Variants in ZPBP observed in about 807,000 individuals in gnomAD.
ZPBP encodes the protein zona pellucida binding protein, also known as zona pellucida-binding protein 1.
A neutral mutation model predicts 44.8 loss-of-function variants in ZPBP; 26 were observed. The ratio of observed to expected loss-of-function variants is 0.58; its 90% CI spans 0.43 to 0.81. ZPBP has a LOEUF of 0.81. Ranked by LOEUF, ZPBP falls within the 30% of genes least tolerant of loss-of-function variation. The pLI, the probability that ZPBP is intolerant of heterozygous loss-of-function variation, is 0.00. For missense variants in ZPBP, 409 were observed against 434.0 expected (o/e 0.94, Z 0.51); for synonymous variants, 174 against 153.2 (o/e 1.14, Z -1.00).
At chr7:49,986,031 T>C (rs912680347) in intron 6 of ZPBP, among the ~76,000 whole-genome samples, 1 of 152,190 alleles carries the variant, frequency 6.6e-6, no homozygotes, top group African/African-American at 2.4e-5. Context: ...TTTCAATGTG[T>C]CCATGCACCT....
At chr7:49,955,077 G>A (rs533602524) in intron 7 of ZPBP, among the ~76,000 whole-genome samples, 1 of 152,122 alleles carries the variant, frequency 6.6e-6, no homozygotes, top group African/African-American at 2.4e-5. Context: ...TAATGAATAA[G>A]ACCTGGGCCA....
rs556669505 is a variant in ZPBP at position 49,918,369 on chromosome 7, A to G, written n.412-17154T>C. 4.6e-5 allele frequency: 7 copies of G among 152,204 alleles called. No homozygotes were observed. The South Asian group carries it at 8.3e-4, about 18-fold the overall frequency. 9.4% of individuals were successfully genotyped at this position (152,204 alleles called of 1,614,324 possible). A position where few individuals can be genotyped will look rare whatever the true frequency, so the allele number is the denominator to read the frequency against. The stretch of plus-strand genomic sequence containing the variant: ...AATTTCCAAAATGGTCTTTTACCCC[A>G]CTCCCCATAAATAAGATAATGAATA... On this transcript the variant is annotated intron_variant and non_coding_transcript_variant, in intron 1 of 2. Coordinates refer to the ZPBP transcript ENST00000465922.
chr7:49,870,828 C>G (rs1791119023), intron 2 of ZPBP, among the ~76,000 whole-genome samples: 1 of 152,214 alleles, frequency 6.6e-6, no homozygotes. Context: ...CTCATTTATA[C>G]TGATGCTTGT....
chr7:50,053,354 C>T (rs1420616730), intron 4 of ZPBP, among the ~76,000 whole-genome samples: 1 of 152,232 alleles, frequency 6.6e-6, no homozygotes, highest in African/African-American at 2.4e-5. Flanking sequence ...TTATTGAAAA[C>T]TTAGTAATTG....
At chr7:49,842,017 C>T in the ZPBP span, among the ~76,000 whole-genome samples, 1 of 152,054 alleles carries the variant, frequency 6.6e-6, no homozygotes, top group Admixed American at 6.6e-5. Flanking sequence ...CAGGTGCTCG[C>T]CACCACGCCC....
chr7:50,031,374 A>T (rs1247267650), intron 4 of ZPBP, 64 bp from the exon 5 acceptor site: 14 of 1,170,848 alleles, frequency 1.2e-5, no homozygotes, highest in South Asian at 2.8e-5. Flanking sequence ...ACATATTGCA[A>T]CTATTTAAGA....
chr7:49,891,875 A>T (rs1380517377), intron 2 of ZPBP, among the ~76,000 whole-genome samples: 1 of 151,422 alleles, frequency 6.6e-6, no homozygotes, highest in African/African-American at 2.4e-5. Flanking sequence ...TCTGCTATTG[A>T]TAGATACTTT....
intron 4 of ZPBP, among the ~76,000 whole-genome samples, chr7:50,044,883 T>A (rs947265929): frequency 6.6e-4 from 101 of 152,310 alleles, no homozygotes; most frequent in African/African-American, 2.4e-3. Flanking sequence ...CCAATATCCC[T>A]GATGAACATC....
intron 1 of ZPBP, chr7:49,912,549 G>A (rs773436297): frequency 1.9e-4 from 32 of 165,196 alleles, no homozygotes; most frequent in Non-Finnish European, 3.6e-4. Flanking sequence ...CGTCCTCACC[G>A]TGTACCTGCA....
At position 49,982,107 on chromosome 7, in the gene ZPBP, TTATAAATATTTATATATTAA is replaced by T. The variant is rs1177234381; in HGVS notation, c.961+1215_961+1234del. Among the ~76,000 whole-genome samples the T allele has an allele frequency of 2.0e-5, 2 of 99,186 alleles. 1 individual carries two copies. Among genetic ancestry groups the T allele is most frequent in the African/African-American group, 8.1e-5 (2 of 24,752 alleles). 65.1% of individuals were successfully genotyped at this position (99,186 alleles called of 152,430 possible). A position where few individuals can be genotyped will look rare whatever the true frequency, so the allele number is the denominator to read the frequency against. On this transcript the variant is annotated intron_variant, in intron 7 of 7. Coordinates refer to ENST00000046087, the MANE Select transcript of ZPBP (RefSeq NM_007009.3). ...TTATATGAATTATATAATTATATAA[TTATAAATATTTATATATTAA>T]TATAAATATTTATATAAAATATATA... is the stretch of plus-strand genomic sequence containing the variant.
chr7:49,937,658 C>T (rs1420425427), intron 7 of ZPBP, 36 bp from the exon 8 acceptor site: 2 of 1,476,982 alleles, frequency 1.4e-6, no homozygotes, highest in African/African-American at 2.8e-5. Context: ...GTAGTATTTT[C>T]CTAATACACA....
chr7:49,930,063 G>A (rs775783806), intron 1 of ZPBP, among the ~76,000 whole-genome samples: 7 of 152,082 alleles, frequency 4.6e-5, no homozygotes, highest in Non-Finnish European at 8.8e-5. Flanking sequence ...TCCTGTAGAG[G>A]GTTTTTCATT....
intron 7 of ZPBP, among the ~76,000 whole-genome samples, chr7:49,969,342 ATTAAAT>A (rs1449482466): frequency 2.6e-5 from 4 of 151,270 alleles, no homozygotes; most frequent in Non-Finnish European, 5.9e-5. Flanking sequence ...GTAATGATCC[ATTAAAT>A]TTAAATTTAA....
intron 1 of ZPBP, among the ~76,000 whole-genome samples, chr7:49,908,640 C>T (rs779942837): frequency 4.1e-4 from 62 of 151,800 alleles, no homozygotes; most frequent in African/African-American, 1.5e-3. Flanking sequence ...GTATACTACA[C>T]GTGATAGCCA....
chr7:50,074,925 T>C (rs1802009577), intron 3 of ZPBP, among the ~76,000 whole-genome samples: 1 of 151,838 alleles, frequency 6.6e-6, no homozygotes, highest in South Asian at 2.1e-4. Flanking sequence ...ATGCATCTAG[T>C]AGACATTTAT....
intron 7 of ZPBP, among the ~76,000 whole-genome samples, chr7:49,980,049 A>AT (rs1347911832): frequency 1.2e-5 from 1 of 86,166 alleles, no homozygotes; most frequent in East Asian, 3.2e-4. Context: ...AATATATATA[A>AT]TATAATTTTA....
chr7:49,902,750 ATG>A (rs2128736958), intron 1 of ZPBP, among the ~76,000 whole-genome samples: 1 of 152,192 alleles, frequency 6.6e-6, no homozygotes, highest in East Asian at 1.9e-4. Context: ...TAGAAAATTG[ATG>A]CATTTGATCG....
chr7:49,889,951 AT>A lies in ZPBP; in HGVS notation n.509+11166del, dbSNP rs1792062561. The stretch of plus-strand genomic sequence containing the variant: ...GTTTTGCAAAAGAGTCAAATAACTA[AT>A]CTCAATTTTAATCTTGTGATTAGAA... On this transcript the variant is annotated intron_variant and non_coding_transcript_variant, in intron 2 of 2. Coordinates refer to the ZPBP transcript ENST00000465922. Among the ~76,000 whole-genome samples, 9 of 152,322 alleles carry A rather than the reference AT, an allele frequency of 5.9e-5. No individual in the cohort carries two copies. In the South Asian group the frequency reaches 1.9e-3, roughly 32 times the overall value.
At chr7:49,901,042 G>C (rs979433555) in intron 2 of ZPBP, 2 of 151,624 alleles carry the variant, frequency 1.3e-5, no homozygotes, top group African/African-American at 2.4e-5. Context: ...TTTATGATAA[G>C]GTAAACTAGG....
Sources: gnomAD v4.1 joint callset for allele counts (sites outside exome capture counted in the v4.1 genomes callset) on GRCh38, gnomAD v4.1.1 for gene constraint, MANE v1.5 for transcripts, NCBI Gene and HGNC (gene_info 2026-07-23, HGNC 2026-07-21) for gene names.